Variants in MSRB2 observed in about 807,000 individuals in gnomAD.
MSRB2 encodes methionine-R-sulfoxide reductase B2, mitochondrial.
MSRB2 carries 17 observed loss-of-function variants against 19.0 expected under a neutral mutation model. The observed-to-expected ratio is 0.89, with a 90% CI of 0.61 to 1.34. MSRB2 has a LOEUF of 1.34. MSRB2 is among the 40% of genes most tolerant of loss of function. The pLI is 0.00. For missense variants in MSRB2, 208 were observed against 237.6 expected (o/e 0.88, Z 0.82); for synonymous variants, 107 against 99.7 (o/e 1.07, Z -0.44).
intron 2 of MSRB2, among the ~76,000 whole-genome samples, chr10:23,108,465 G>A (rs1327392813): frequency 6.8e-6 from 1 of 147,384 alleles, no homozygotes; most frequent in South Asian, 2.2e-4. Flanking sequence ...GGAAGGATGG[G>A]AAACTTCCTC....
chr10:23,119,489 G>A, intron 4 of MSRB2, 38 bp downstream of exon 4: 1 of 1,598,022 alleles, frequency 6.3e-7, no homozygotes, highest in Non-Finnish European at 8.5e-7. Context: ...CCCTGATGCT[G>A]CCCCCAATGC....
intron 1 of MSRB2, among the ~76,000 whole-genome samples, chr10:23,096,373 T>TG (rs3838757): frequency 9.9e-5 from 15 of 151,666 alleles, no homozygotes; most frequent in South Asian, 4.2e-4. Context: ...TGTGTGTGTG[T>TG]TTCTGCTAAA....
Position 23,121,579 on chromosome 10 carries a change from C to T in MSRB2, c.*717C>T, listed in dbSNP as rs1313606032. 4.6e-5 allele frequency: 7 copies of T among 152,294 alleles called. No homozygotes were observed. The highest frequency in any genetic ancestry group is 1.0e-4 in the Non-Finnish European group (7 of 68,094). The allele number at this position is 152,294 out of a possible 1,614,324, so 9.4% of individuals were successfully genotyped here. ...GAGGGACAGCTGTTTCCATCAAACA[C>T]TTCCACAGCTTCACCTGAGACGAGG... On this transcript the variant is annotated 3_prime_UTR_variant, in exon 5 of 5. Transcript: ENST00000376510.
intron 3 of MSRB2, among the ~76,000 whole-genome samples, chr10:23,112,772 C>G (rs1462965320): frequency 6.6e-6 from 1 of 151,948 alleles, no homozygotes. Context: ...TTAGTAGAGA[C>G]GGGGTTTCAC....
chr10:23,106,833 G>A (rs945647135), intron 2 of MSRB2, among the ~76,000 whole-genome samples: 4 of 152,174 alleles, frequency 2.6e-5, no homozygotes, highest in African/African-American at 9.7e-5. Flanking sequence ...GGCCCCGTCT[G>A]CACCTTTGTA....
rs11554773 is a variant in MSRB2 at position 23,104,214 on chromosome 10, C to T, written c.189C>T (p.Phe63=). The T allele has an allele frequency of 2.5e-6, 4 of 1,613,708 alleles. No homozygotes were observed. In the East Asian group the frequency reaches 8.9e-5, roughly 36 times the overall value. ...AAAAGAAACTAACCCCGGAGCAGTT[C>T]TACGTCACAAGAGAAAAGGGAACGG... The part of the protein sequence containing the change: ...EWQKKLTPEQ[F]YVTREKGTEP... Residue 63 remains phenylalanine, a synonymous_variant, in exon 2 of 5, where the codon TTC becomes TTT. Coordinates refer to ENST00000376510, the MANE Select transcript of MSRB2 (RefSeq NM_012228.4).
intron 2 of MSRB2, among the ~76,000 whole-genome samples, chr10:23,108,901 A>G (rs1840014002): frequency 6.6e-6 from 1 of 152,250 alleles, no homozygotes; most frequent in African/African-American, 2.4e-5. Context: ...GTTTTAAAGA[A>G]GGAAAACATC....
At chr10:23,119,025 C>T (rs1410138163) in intron 3 of MSRB2, 1 of 554,552 alleles carries the variant, frequency 1.8e-6, no homozygotes, top group Non-Finnish European at 3.4e-6. Context: ...ACACAGTTCA[C>T]AAAACACCAT....
At chr10:23,113,845 G>A (rs1840081019) in intron 3 of MSRB2, among the ~76,000 whole-genome samples, 1 of 152,144 alleles carries the variant, frequency 6.6e-6, no homozygotes, top group Non-Finnish European at 1.5e-5. Flanking sequence ...GAGGCAAGGA[G>A]GGATTCCCTA....
chr10:23,112,059 T>C (rs1270630153), intron 3 of MSRB2, among the ~76,000 whole-genome samples: 1 of 152,172 alleles, frequency 6.6e-6, no homozygotes, highest in East Asian at 1.9e-4. Context: ...TCCTGGAGGT[T>C]GTGAAGCAGC....
chr10:23,104,862 C>G (rs1186258218), intron 2 of MSRB2, among the ~76,000 whole-genome samples: 10 of 152,156 alleles, frequency 6.6e-5, no homozygotes, highest in Non-Finnish European at 1.5e-4. Flanking sequence ...CCCACACTCT[C>G]CACCCATTCA....
chr10:23,097,111 C>G (rs987402588), intron 1 of MSRB2, among the ~76,000 whole-genome samples: 2 of 152,222 alleles, frequency 1.3e-5, no homozygotes, highest in Non-Finnish European at 2.9e-5. Context: ...AAGCACTAGT[C>G]TCTTACAAAA....
chr10:23,112,728 G>A (rs1256784564), intron 3 of MSRB2, among the ~76,000 whole-genome samples: 1 of 152,146 alleles, frequency 6.6e-6, no homozygotes. Context: ...GATTACAGGC[G>A]TGTGCCACCA....
At chr10:23,095,855 C>T (rs1346694552) in intron 1 of MSRB2, 129 bp downstream of exon 1, 2 of 498,770 alleles carry the variant, frequency 4.0e-6, no homozygotes, top group Non-Finnish European at 5.9e-6. Context: ...CTCGGCGCGC[C>T]CCTCCCCCCC....
At chr10:23,108,795 C>T (rs887342750) in intron 2 of MSRB2, among the ~76,000 whole-genome samples, 4 of 152,132 alleles carry the variant, frequency 2.6e-5, no homozygotes, top group African/African-American at 4.8e-5. Context: ...TTCTTCACAG[C>T]TGCTAACTAG....
chr10:23,099,675 T>A (rs914067910), intron 1 of MSRB2, among the ~76,000 whole-genome samples: 2 of 152,194 alleles, frequency 1.3e-5, no homozygotes, highest in African/African-American at 4.8e-5. Flanking sequence ...ACTTTGATCA[T>A]GCGTATGAAT....
At chr10:23,102,238 A>C (rs1839933543) in intron 1 of MSRB2, among the ~76,000 whole-genome samples, 1 of 152,166 alleles carries the variant, frequency 6.6e-6, no homozygotes, top group African/African-American at 2.4e-5. Context: ...ACATCATGAC[A>C]CTTTACTGCT....
At chr10:23,096,350 C>CTGTGTGTGTGTGTGTGTGTG (rs780651477) in intron 1 of MSRB2, among the ~76,000 whole-genome samples, 69 of 61,774 alleles carry the variant, frequency 1.1e-3, no homozygotes, top group African/African-American at 4.6e-3. Flanking sequence ...CTCTCTCTCT[C>CTGTGTGTGTGTGTGTGTGTG]TCTGTGTGTG....
intron 1 of MSRB2, among the ~76,000 whole-genome samples, chr10:23,102,885 C>T (rs1410726605): frequency 1.3e-5 from 2 of 152,036 alleles, no homozygotes; most frequent in East Asian, 3.8e-4. Flanking sequence ...TTGTTTTGTT[C>T]CCAAAGTGTC....
Sources: gnomAD v4.1 joint callset for allele counts (sites outside exome capture counted in the v4.1 genomes callset) on GRCh38, gnomAD v4.1.1 for gene constraint, MANE v1.5 for transcripts, NCBI Gene and HGNC (gene_info 2026-07-23, HGNC 2026-07-21) for gene names.